The following NXPE4 variants were observed in gnomAD, a reference collection of about 807,000 sequenced individuals.
The protein encoded by NXPE4 is neurexophilin and PC-esterase domain family member 4.
A neutral mutation model predicts 33.3 loss-of-function variants in NXPE4; 42 were observed. That is an observed-to-expected ratio of 1.26 (90% CI 0.98 to 1.63). The LOEUF (loss-of-function observed/expected upper bound fraction) is 1.63, where lower values mean the gene tolerates loss of function less well. Among genes scored for constraint, NXPE4 ranks in the 40% most tolerant of loss-of-function variants. The pLI, the probability that NXPE4 is intolerant of heterozygous loss-of-function variation, is 0.00. For synonymous variants in NXPE4, 253 were observed against 234.9 expected (o/e 1.08, Z -0.71); for missense variants, 709 against 647.6 (o/e 1.09, Z -1.03).
the NXPE4 span, among the ~76,000 whole-genome samples, chr11:114,601,961 T>TAG: frequency 3.6e-5 from 3 of 83,988 alleles, no homozygotes; most frequent in Non-Finnish European, 6.2e-5. Flanking sequence ...TATAATATTA[T>TAG]ATATTATATA....
chr11:114,591,391 T>C (rs953595969), intron 2 of NXPE4, among the ~76,000 whole-genome samples: 1 of 152,218 alleles, frequency 6.6e-6, no homozygotes, highest in Non-Finnish European at 1.5e-5. Flanking sequence ...GTTATTATCC[T>C]CAGTTTTCCT....
At chr11:114,632,314 T>A in the NXPE4 span, among the ~76,000 whole-genome samples, 5 of 136,524 alleles carry the variant, frequency 3.7e-5, no homozygotes, top group East Asian at 9.9e-4. Context: ...CCACCAATAC[T>A]TATTATCCAC....
At chr11:114,678,063 A>G in the NXPE4 span, among the ~76,000 whole-genome samples, 4 of 152,112 alleles carry the variant, frequency 2.6e-5, no homozygotes, top group African/African-American at 4.8e-5. Context: ...GATGTATGCA[A>G]TGGTTTAGAG....
At chr11:114,589,429 G>A (rs1270298329) in intron 2 of NXPE4, among the ~76,000 whole-genome samples, 1 of 152,126 alleles carries the variant, frequency 6.6e-6, no homozygotes, top group Admixed American at 6.5e-5. Context: ...AGCATGAGGG[G>A]TGTGGGGTGT....
the NXPE4 span, among the ~76,000 whole-genome samples, chr11:114,661,553 T>A: frequency 1.3e-5 from 2 of 152,206 alleles, no homozygotes; most frequent in Non-Finnish European, 2.9e-5. Flanking sequence ...ATATCATGGG[T>A]ACCATTTGGG....
chr11:114,593,368 A>G (rs890276115), intron 2 of NXPE4, among the ~76,000 whole-genome samples: 1 of 152,168 alleles, frequency 6.6e-6, no homozygotes, highest in African/African-American at 2.4e-5. Flanking sequence ...TGGGCAAAAG[A>G]TCTGAATAGA....
chr11:114,629,043 GA>G, the NXPE4 span, among the ~76,000 whole-genome samples: 2 of 151,958 alleles, frequency 1.3e-5, no homozygotes, highest in African/African-American at 4.8e-5. Flanking sequence ...GCTTACCAAT[GA>G]AAAAGAGTCC....
chr11:114,670,485 G>A, the NXPE4 span, among the ~76,000 whole-genome samples: 1 of 151,870 alleles, frequency 6.6e-6, no homozygotes, highest in South Asian at 2.1e-4. Context: ...CTTGAGGCTA[G>A]GAGTTGGAAA....
At chr11:114,637,926 C>T in the NXPE4 span, among the ~76,000 whole-genome samples, 5 of 151,922 alleles carry the variant, frequency 3.3e-5, no homozygotes, top group African/African-American at 1.2e-4. Flanking sequence ...TTTGGTGAAT[C>T]TGACAATTAT....
At chr11:114,677,019 C>T in the NXPE4 span, among the ~76,000 whole-genome samples, 1 of 151,882 alleles carries the variant, frequency 6.6e-6, no homozygotes, top group African/African-American at 2.4e-5. Flanking sequence ...TCACAGAACA[C>T]GGAAAGATAA....
chr11:114,593,385 C>T (rs1157059790), intron 2 of NXPE4, among the ~76,000 whole-genome samples: 1 of 151,944 alleles, frequency 6.6e-6, no homozygotes, highest in Non-Finnish European at 1.5e-5. Flanking sequence ...TAGACACTTA[C>T]TAGAAGATAT....
chr11:114,654,939 A>G, the NXPE4 span, among the ~76,000 whole-genome samples: 19 of 152,314 alleles, frequency 1.2e-4, no homozygotes, highest in Non-Finnish European at 2.4e-4. Context: ...TCCCACCAAC[A>G]GTGTAAAAGC....
chr11:114,601,883 ATT>A, the NXPE4 span, among the ~76,000 whole-genome samples: 1 of 59,696 alleles, frequency 1.7e-5, no homozygotes, highest in Non-Finnish European at 3.0e-5. Flanking sequence ...ATTATATATA[ATT>A]ATATATTATA....
chr11:114,612,265 T>C, the NXPE4 span, among the ~76,000 whole-genome samples: 11 of 150,272 alleles, frequency 7.3e-5, no homozygotes, highest in South Asian at 2.1e-3. Flanking sequence ...GTGTTGCCTC[T>C]TCAGTAACCA....
the NXPE4 span, among the ~76,000 whole-genome samples, chr11:114,625,583 A>G: frequency 2.5e-3 from 374 of 152,292 alleles, no homozygotes; most frequent in African/African-American, 8.3e-3. Context: ...CCTCGTGGGT[A>G]ACCACTGTTA....
At chr11:114,663,454 G>A in the NXPE4 span, among the ~76,000 whole-genome samples, 19 of 152,208 alleles carry the variant, frequency 1.2e-4, no homozygotes, top group South Asian at 3.3e-3. Flanking sequence ...GTCTTAGAAG[G>A]ACATGGTGGT....
At position 114,582,681 on chromosome 11, in the gene NXPE4, G is replaced by T. The variant is rs200548586; in HGVS notation, c.437C>A (p.Ala146Glu). 1.2e-5 allele frequency: 20 copies of T among 1,614,126 alleles called. No individual in the cohort carries two copies. The highest frequency in any genetic ancestry group is 1.7e-5 in the Admixed American group (1 of 60,016). The change falls in exon 3 of 6, where the codon GCG becomes GAG. Residue 146 changes from alanine (A) to glutamate (E), a missense_variant. Physicochemically the swap from Ala to Glu is moderately radical, Grantham distance 107. Coordinates refer to ENST00000375478, the MANE Select transcript of NXPE4 (RefSeq NM_001077639.2). Reference sequence around the variant, plus strand: ...CTTTCCTGAAGCACCTGCCATCAGCGCTGGGGAAGACATCCTGGCCCTCAG... The same window carrying T: ...CTTTCCTGAAGCACCTGCCATCAGCTCTGGGGAAGACATCCTGGCCCTCAG... ...DFLRARMSSP[A>E]LMAGASGKVT...
chr11:114,571,165 C>G lies in NXPE4; in HGVS notation c.1408G>C (p.Val470Leu), dbSNP rs1565326231. 6.2e-7 allele frequency: 1 copy of G among 1,613,944 alleles called. No individual in the cohort carries two copies. Among genetic ancestry groups the G allele is most frequent in the Non-Finnish European group, 8.5e-7 (1 of 1,179,934 alleles). The change falls in exon 6 of 6, where the codon GTT (valine) becomes CTT (leucine). Residue 470 changes from valine (V) to leucine (L), a missense_variant. Physicochemically the swap from Val to Leu is conservative, Grantham distance 32 (BLOSUM62 1). Transcript: ENST00000375478. ...CTGATGTTTTCTGTTTTGATGATAACCATAGTGTCTGGGCTTCTCAGAAGA... is the reference window on the plus strand; with the variant it reads ...CTGATGTTTTCTGTTTTGATGATAAGCATAGTGTCTGGGCTTCTCAGAAGA... ...HLLLRSPDTM[V>L]IIKTENIREM...
the NXPE4 span, among the ~76,000 whole-genome samples, chr11:114,653,649 T>C: frequency 6.7e-6 from 1 of 148,716 alleles, no homozygotes; most frequent in Non-Finnish European, 1.5e-5. Flanking sequence ...TGCCTTAGCC[T>C]CCCGAGTAGC....
Sources: gnomAD v4.1 joint callset for allele counts (sites outside exome capture counted in the v4.1 genomes callset) on GRCh38, gnomAD v4.1.1 for gene constraint, MANE v1.5 for transcripts, NCBI Gene and HGNC (gene_info 2026-07-23, HGNC 2026-07-21) for gene names.